Variants in MYBL1 observed in about 807,000 individuals in gnomAD.
MYBL1 encodes the protein MYB proto-oncogene like 1, also known as myb-related protein A.
In MYBL1, 17 loss-of-function variants were observed where a neutral mutation model predicts 96.3. The ratio of observed to expected loss-of-function variants is 0.18; its 90% CI spans 0.12 to 0.26. The LOEUF is 0.26. Ranked by LOEUF, MYBL1 falls within the 10% of genes least tolerant of loss-of-function variation. The pLI is 1.00. For synonymous variants in MYBL1, 282 were observed against 292.7 expected, an observed-to-expected ratio of 0.96 and a Z score of 0.37; for missense variants, 701 against 882.9, an observed-to-expected ratio of 0.79 and a Z score of 2.61.
rs758370762 is a variant in MYBL1 at position 66,566,725 on chromosome 8, A to G, written c.1909T>C (p.Ser637Pro). Residue 637 changes from serine to proline, a missense_variant, in exon 14 of 16, where the codon TCA becomes CCA. Coordinates refer to ENST00000522677, the MANE Select transcript of MYBL1 (RefSeq NM_001080416.4). ...TCTTCAGTCAACAGTTGAGTGCCTG[A>G]TTCTTCTTTTTCCCAATTATCTAAG... ...LVLDNWEKEE[S>P]GTQLLTEDIS... 5 of 1,609,822 alleles carry G rather than the reference A, an allele frequency of 3.1e-6. No homozygotes were observed. In the South Asian group the frequency reaches 5.5e-5, roughly 18 times the overall value.
intron 8 of MYBL1, among the ~76,000 whole-genome samples, chr8:66,581,475 G>A (rs1308648906): frequency 6.6e-6 from 1 of 152,106 alleles, no homozygotes; most frequent in East Asian, 1.9e-4. Flanking sequence ...CCAGGAGTTT[G>A]AGAACAGTTT....
At position 66,576,172 on chromosome 8, in the gene MYBL1, T is replaced by G. The variant is rs780857517; in HGVS notation, c.1305A>C (p.Pro435=). Residue 435 remains proline, a synonymous_variant, in exon 10 of 16, where the codon CCA becomes CCC. Coordinates refer to ENST00000522677, the MANE Select transcript of MYBL1 (RefSeq NM_001080416.4). ...GTGGAGTGCTAAACTTGGCTATATT[T>G]GGGGATGTTAAAGGAACAGCTTCAC... The part of the protein sequence containing the change: ...GNSEAVPLTS[P]NIAKFSTPPA... The G allele has an allele frequency of 2.5e-5, 41 of 1,613,990 alleles. No individual in the cohort carries two copies. Among genetic ancestry groups the G allele is most frequent in the Admixed American group, 3.3e-5 (2 of 60,026 alleles).
At chr8:66,609,560 ATTTT>A (rs1563556244) in intron 1 of MYBL1, among the ~76,000 whole-genome samples, 3 of 152,150 alleles carry the variant, frequency 2.0e-5, no homozygotes, top group Non-Finnish European at 4.4e-5. Context: ...ATACATGAAT[ATTTT>A]ATTTCCAAAT....
intron 10 of MYBL1, among the ~76,000 whole-genome samples, chr8:66,574,552 T>C (rs563064704): frequency 1.3e-5 from 2 of 152,300 alleles, no homozygotes; most frequent in South Asian, 4.1e-4. Flanking sequence ...AGCCTCAAAA[T>C]ATACCTCCAA....
rs76747949 is a variant in MYBL1, at chr8:66,582,141, A to G, written c.868-1775T>C. ...GGAAGAAAGGAACAAAGAATACACA[A>G]AAACAGAAAATAATTAACAAAATGA... On this transcript the variant is annotated intron_variant, in intron 8 of 15. Transcript: ENST00000522677. Among the ~76,000 whole-genome samples, 935 of 152,304 alleles carry G rather than the reference A, an allele frequency of 6.1e-3. 6 individuals carry two copies. Among genetic ancestry groups the G allele is most frequent in the Middle Eastern group, 0.027 (8 of 294 alleles).
Position 66,599,046 on chromosome 8 carries a change from T to C in MYBL1, c.291+4A>G, listed in dbSNP as rs771991372. 1 of 1,564,750 alleles carries C rather than the reference T, an allele frequency of 6.4e-7. No homozygotes were observed. The highest frequency in any genetic ancestry group is 8.6e-7 in the Non-Finnish European group (1 of 1,157,878). On this transcript the variant is annotated splice_donor_region_variant and intron_variant, in intron 4 of 15. Transcript: ENST00000522677. ...AGTGAATATAAAGAATATGAACACA[T>C]TACCCTCTGATCTTCTTCTTTAGTC...
At chr8:66,597,906 A>G (rs954120795) in intron 4 of MYBL1, among the ~76,000 whole-genome samples, 1 of 151,064 alleles carries the variant, frequency 6.6e-6, no homozygotes, top group African/African-American at 2.4e-5. Flanking sequence ...CAAAAATACA[A>G]TTAGGAAGCA....
intron 12 of MYBL1, among the ~76,000 whole-genome samples, chr8:66,568,432 GTAGC>G (rs1179161784): frequency 6.6e-6 from 1 of 151,868 alleles, no homozygotes; most frequent in Non-Finnish European, 1.5e-5. Context: ...GATCAACCGA[GTAGC>G]TAGCACAACC....
rs147224852 is a variant in MYBL1, at chr8:66,608,397, T to C, written c.20+4422A>G. 2.0e-3 allele frequency among the ~76,000 whole-genome samples: 312 copies of C among 152,284 alleles called. 2 individuals are homozygous for C. Among genetic ancestry groups the C allele is most frequent in the African/African-American group, 6.6e-3 (275 of 41,572 alleles). ...GAATTATCTACCACTCTGACTTTCC[T>C]AGAGTCTACCTACTTCTTAGTTATA... On this transcript the variant is annotated intron_variant, in intron 1 of 15. Coordinates refer to ENST00000522677, the MANE Select transcript of MYBL1 (RefSeq NM_001080416.4).
chr8:66,576,497 C>T lies in MYBL1; in HGVS notation c.1102-122G>A, dbSNP rs539264865. On this transcript the variant is annotated intron_variant, in intron 9 of 15. Transcript: ENST00000522677. Reference sequence around the variant, plus strand: ...CTCATTTTATCAGTAAAAATGCTTTCCTTGGACATTTTTTTTAAGCAAGAC... The same window carrying T: ...CTCATTTTATCAGTAAAAATGCTTTTCTTGGACATTTTTTTTAAGCAAGAC... The T allele has an allele frequency of 2.6e-5, 31 of 1,172,344 alleles. 1 individual carries two copies. The South Asian group carries it at 4.6e-4, about 18-fold the overall frequency. The allele number at this position is 1,172,344 out of a possible 1,614,324, so 72.6% of individuals were successfully genotyped here. A position where few individuals can be genotyped will look rare whatever the true frequency, so the allele number is the denominator to read the frequency against.
chr8:66,613,151 C>T lies in MYBL1; in HGVS notation c.-313G>A, dbSNP rs889031165. On this transcript the variant is annotated 5_prime_UTR_variant, in exon 1 of 16. Coordinates refer to ENST00000522677, the MANE Select transcript of MYBL1 (RefSeq NM_001080416.4). ...CCCGCCGCTTGTCAGCCTCCCTGCC[C>T]TGGCCCCAGCCCGGCTCCGCCACAG... 5.0e-6 allele frequency: 2 copies of T among 401,576 alleles called. No homozygotes were observed. Among genetic ancestry groups the T allele is most frequent in the African/African-American group, 4.1e-5 (2 of 48,658 alleles). 24.9% of individuals were successfully genotyped at this position (401,576 alleles called of 1,614,324 possible). A position where few individuals can be genotyped will look rare whatever the true frequency, so the allele number is the denominator to read the frequency against.
Position 66,572,515 on chromosome 8 carries a change from A to G in MYBL1, c.1695T>C (p.Ala565=), listed in dbSNP as rs769311835. 12 of 1,600,726 alleles carry G rather than the reference A, an allele frequency of 7.5e-6. No homozygotes were observed. The Admixed American group carries it at 1.0e-4, about 13-fold the overall frequency. ...TPTPFKNALA[A]QEKKYGPLKI... ...TAAGAGGTCCATATTTTTTCTCCTG[A>G]GCAGCAAGCGCATTCTTAAAAGGAG... Residue 565 remains alanine (A), a synonymous_variant, in exon 12 of 16, where the codon GCT becomes GCC. Coordinates refer to ENST00000522677, the MANE Select transcript of MYBL1 (RefSeq NM_001080416.4).
chr8:66,565,949 C>T (rs1348667534), intron 15 of MYBL1, 115 bp downstream of exon 15: 2 of 741,266 alleles, frequency 2.7e-6, no homozygotes, highest in African/African-American at 1.8e-5. Context: ...TGTTTAGTTA[C>T]TGTTACAATC....
intron 3 of MYBL1, among the ~76,000 whole-genome samples, chr8:66,599,653 A>G (rs1349764953): frequency 6.6e-6 from 1 of 152,098 alleles, no homozygotes; most frequent in Non-Finnish European, 1.5e-5. Flanking sequence ...ATACAAAATT[A>G]GCCGGATGTG....
At chr8:66,575,351 A>G (rs1049663335) in intron 10 of MYBL1, among the ~76,000 whole-genome samples, 3 of 152,226 alleles carry the variant, frequency 2.0e-5, no homozygotes, top group Non-Finnish European at 2.9e-5. Flanking sequence ...AACAGTAGTC[A>G]GTCAGGAAAC....
intron 1 of MYBL1, among the ~76,000 whole-genome samples, chr8:66,604,352 GTC>G (rs748417214): frequency 6.6e-6 from 1 of 151,964 alleles, no homozygotes; most frequent in African/African-American, 2.4e-5. Flanking sequence ...GCAAAACCCT[GTC>G]TCTACTAAAA....
At chr8:66,605,695 A>G (rs1267066016) in intron 1 of MYBL1, among the ~76,000 whole-genome samples, 1 of 152,120 alleles carries the variant, frequency 6.6e-6, no homozygotes, top group African/African-American at 2.4e-5. Flanking sequence ...GGGTGCCTGT[A>G]ATGCCAGCTA....
rs1337072551 is a variant in MYBL1, at chr8:66,566,246, AAGAG to A, written c.1951-7_1951-4del. The A allele has an allele frequency of 4.9e-6, 7 of 1,439,930 alleles. No homozygotes were observed. The highest frequency in any genetic ancestry group is 6.6e-6 in the Non-Finnish European group (7 of 1,067,692). 89.2% of individuals were successfully genotyped at this position (1,439,930 alleles called of 1,614,324 possible). A position where few individuals can be genotyped will look rare whatever the true frequency, so the allele number is the denominator to read the frequency against. On this transcript the variant is annotated splice_region_variant and splice_polypyrimidine_tract_variant and intron_variant, in intron 14 of 15. Transcript: ENST00000522677. ...GATGTAGTAAATCTATTTTCTGACT[AAGAG>A]AGAAAAAAGAAAGAGGAAAATAACT...
chr8:66,590,641 C>A (rs1395499642), intron 8 of MYBL1, among the ~76,000 whole-genome samples: 2 of 151,070 alleles, frequency 1.3e-5, no homozygotes, highest in African/African-American at 4.9e-5. Flanking sequence ...CAAGATTGCA[C>A]CACTGCACTC....
Sources: allele counts gnomAD v4.1 joint callset (sites outside exome capture counted in the v4.1 genomes callset), GRCh38; gene constraint gnomAD v4.1.1; transcripts MANE v1.5; gene names NCBI Gene and HGNC (gene_info 2026-07-23, HGNC 2026-07-21).